The following NAV3 variants were observed in gnomAD, a reference collection of about 807,000 sequenced individuals.
NAV3 encodes the protein neuron navigator 3.
In NAV3, 87 loss-of-function variants were observed where a neutral mutation model predicts 244.7. The observed-to-expected ratio is 0.36, with a 90% CI of 0.30 to 0.42. NAV3 has a LOEUF of 0.42. NAV3 is among the 20% of genes least tolerant of loss of function. The pLI, the probability that NAV3 is intolerant of heterozygous loss-of-function variation, is 1.00. For missense variants in NAV3, 2,663 were observed against 2,893.3 expected, an observed-to-expected ratio of 0.92 and a Z score of 1.83; for synonymous variants, 1,126 against 1,042.2, an observed-to-expected ratio of 1.08 and a Z score of -1.55.
chr12:78,064,339 C>CTCTGGAATACAGAGA (rs1295289965), intron 12 of NAV3, among the ~76,000 whole-genome samples: 1 of 151,988 alleles, frequency 6.6e-6, no homozygotes, highest in African/African-American at 2.4e-5. Flanking sequence ...GAGTGGGTTT[C>CTCTGGAATACAGAGA]ATGCTGTATT....
At chr12:77,999,534 C>G (rs1163842397) in intron 7 of NAV3, among the ~76,000 whole-genome samples, 4 of 152,218 alleles carry the variant, frequency 2.6e-5, no homozygotes, top group Non-Finnish European at 1.5e-5. Context: ...AAGCAAGACA[C>G]TCTTTTGTGT....
At chr12:78,054,074 G>A (rs748229984) in intron 11 of NAV3, among the ~76,000 whole-genome samples, 1 of 152,182 alleles carries the variant, frequency 6.6e-6, no homozygotes, top group Non-Finnish European at 1.5e-5. Flanking sequence ...TAAAAATTGA[G>A]CTAAGAGTTC....
In NAV3 at chr12:77,723,755, C is replaced by CTTTTTTT. The variant is rs34518266; in HGVS notation, c.72+151506_72+151512dup. On this transcript the variant is annotated intron_variant, in intron 2 of 8. Coordinates refer to the NAV3 transcript ENST00000550042. Reference sequence around the variant, plus strand: ...AGGAGTTTCTTCTTGGCAATCTTGACTTTTTTTTTTTTTTTTTTTTTTTAC... The same window carrying CTTTTTTT: ...AGGAGTTTCTTCTTGGCAATCTTGACTTTTTTTTTTTTTTTTTTTTTTTTTTTTTTAC... Among the ~76,000 whole-genome samples the CTTTTTTT allele has an allele frequency of 7.7e-4, 52 of 67,650 alleles. 6 individuals are homozygous for CTTTTTTT. The highest frequency in any genetic ancestry group is 9.4e-4 in the Non-Finnish European group (36 of 38,458). 44.4% of individuals were successfully genotyped at this position (67,650 alleles called of 152,430 possible).
At chr12:78,202,071 T>A (rs956436004) in intron 38 of NAV3, among the ~76,000 whole-genome samples, 1 of 151,884 alleles carries the variant, frequency 6.6e-6, no homozygotes, top group African/African-American at 2.4e-5. Context: ...TTTAACACTT[T>A]TAAAGGTATG....
intron 11 of NAV3, chr12:78,052,041 C>T (rs1359782467): frequency 5.9e-5 from 9 of 152,142 alleles, no homozygotes; most frequent in Non-Finnish European, 1.2e-4. Context: ...AACACAGGCT[C>T]AGTAATATGT....
chr12:77,754,091 T>C (rs1869001169), intron 2 of NAV3, among the ~76,000 whole-genome samples: 1 of 152,134 alleles, frequency 6.6e-6, no homozygotes, highest in Non-Finnish European at 1.5e-5. Flanking sequence ...TGTTATTTTA[T>C]ACGTATTTTT....
At chr12:78,160,563 G>A (rs908680974) in intron 23 of NAV3, among the ~76,000 whole-genome samples, 3 of 152,016 alleles carry the variant, frequency 2.0e-5, no homozygotes, top group African/African-American at 7.2e-5. Flanking sequence ...CTTCAGTTTT[G>A]TCTTTAGATT....
At chr12:78,078,426 C>T (rs61936209) in intron 12 of NAV3, among the ~76,000 whole-genome samples, 8,169 of 105,130 alleles carry the variant, frequency 0.078, 657 homozygotes, top group Middle Eastern at 0.2. Flanking sequence ...GACGGAGTCT[C>T]GCTCTGTCGC....
At chr12:77,620,377 G>GT (rs2136867043) in intron 2 of NAV3, among the ~76,000 whole-genome samples, 1 of 152,212 alleles carries the variant, frequency 6.6e-6, no homozygotes, top group South Asian at 2.1e-4. Flanking sequence ...AAAAAATGCA[G>GT]TTATCCCAGT....
chr12:77,843,833 T>TAA (rs5799347), intron 1 of NAV3, among the ~76,000 whole-genome samples: 1,704 of 146,570 alleles, frequency 0.012, 26 homozygotes, highest in African/African-American at 0.041. Flanking sequence ...CTGTCTTGTT[T>TAA]AAAAAAAAAA....
chr12:78,051,143 A>C lies in NAV3; in HGVS notation c.2512A>C (p.Ser838Arg), dbSNP rs1882697729. The C allele has an allele frequency of 6.2e-7, 1 of 1,601,752 alleles. No individual in the cohort carries two copies. Among genetic ancestry groups the C allele is most frequent in the African/African-American group, 1.3e-5 (1 of 74,750 alleles). Reference protein sequence around the residue: ...GKSLRTDDINSGYMTDGGLNL... With the variant: ...GKSLRTDDINRGYMTDGGLNL... ...AAGTCTCAGGACTGATGACATCAAC[A>C]GTGGGTAAGTAACCCTGTTCTCCGT... Residue 838 changes from serine (S) to arginine (R), a missense_variant, in exon 11 of 40, where the codon AGT (serine) becomes CGT (arginine). By Grantham distance (110) the Ser-to-Arg change is moderately radical. Transcript: ENST00000397909.
At chr12:78,167,287 G>T (rs933198511) in intron 23 of NAV3, among the ~76,000 whole-genome samples, 1 of 151,550 alleles carries the variant, frequency 6.6e-6, no homozygotes, top group African/African-American at 2.4e-5. Context: ...GAAATGAATT[G>T]CAGTCAAGTA....
chr12:77,748,631 C>A (rs1415773015), intron 2 of NAV3, among the ~76,000 whole-genome samples: 1 of 152,096 alleles, frequency 6.6e-6, no homozygotes, highest in Non-Finnish European at 1.5e-5. Flanking sequence ...TGAAATAAAT[C>A]AGGCAGGAAA....
intron 5 of NAV3, among the ~76,000 whole-genome samples, chr12:77,992,115 T>C (rs1349937181): frequency 6.6e-6 from 1 of 152,224 alleles, no homozygotes; most frequent in Non-Finnish European, 1.5e-5. Context: ...AAATTTATTG[T>C]ATGTCTTTGA....
At chr12:78,188,496 T>A (rs1023612982) in intron 32 of NAV3, 113 bp from the exon 33 acceptor site, 17 of 1,202,410 alleles carry the variant, frequency 1.4e-5, no homozygotes, top group Non-Finnish European at 1.9e-5. Flanking sequence ...AGTTCTTATA[T>A]TACCCATTTC....
At chr12:78,190,248 T>A (rs1958913575) in intron 34 of NAV3, 29 bp downstream of exon 34, 4 of 1,553,932 alleles carry the variant, frequency 2.6e-6, no homozygotes, top group Non-Finnish European at 3.5e-6. Flanking sequence ...AGAGAACAGC[T>A]ACAATTTATC....
intron 19 of NAV3, among the ~76,000 whole-genome samples, chr12:78,138,635 C>CTGAAATGG (rs1956475048): frequency 1.3e-5 from 2 of 152,248 alleles, no homozygotes; most frequent in Admixed American, 1.3e-4. Context: ...ACCCTGCTTT[C>CTGAAATGG]TGAAATGGTT....
intron 2 of NAV3, among the ~76,000 whole-genome samples, chr12:77,572,561 G>A (rs1215865770): frequency 6.6e-6 from 1 of 151,722 alleles, no homozygotes; most frequent in Non-Finnish European, 1.5e-5. Flanking sequence ...AGTTCTCTGA[G>A]ACCCAGGGTG....
chr12:77,859,904 A>G (rs1364742461), intron 1 of NAV3, among the ~76,000 whole-genome samples: 2 of 151,580 alleles, frequency 1.3e-5, no homozygotes, highest in African/African-American at 4.8e-5. Flanking sequence ...TTTTCTCCTT[A>G]TCACACCATC....
Sources: gnomAD v4.1 joint callset for allele counts (sites outside exome capture counted in the v4.1 genomes callset) on GRCh38, gnomAD v4.1.1 for gene constraint, MANE v1.5 for transcripts, NCBI Gene and HGNC (gene_info 2026-07-23, HGNC 2026-07-21) for gene names.